OPCML: variants seen among roughly 807,000 people sequenced by gnomAD.
The protein encoded by OPCML is opioid binding protein/cell adhesion molecule like.
OPCML carries 13 observed loss-of-function variants against 37.8 expected under a neutral mutation model. That is an observed-to-expected ratio of 0.34 (90% CI 0.22 to 0.55). The LOEUF is 0.55. Among genes scored for constraint, OPCML ranks in the 20% least tolerant of loss-of-function variants. The pLI is 0.91. For synonymous variants in OPCML, 176 were observed against 168.8 expected, an observed-to-expected ratio of 1.04 and a Z score of -0.33; for missense variants, 341 against 435.6, an observed-to-expected ratio of 0.78 and a Z score of 1.93.
intron 1 of OPCML, among the ~76,000 whole-genome samples, chr11:133,251,728 A>T (rs1023415904): frequency 6.6e-6 from 1 of 152,162 alleles, no homozygotes; most frequent in Non-Finnish European, 1.5e-5. Flanking sequence ...ACCTAAATGC[A>T]CCAGGCATTC....
chr11:133,114,651 T>A (rs921416219), intron 1 of OPCML, among the ~76,000 whole-genome samples: 4 of 152,206 alleles, frequency 2.6e-5, no homozygotes, highest in Non-Finnish European at 5.9e-5. Flanking sequence ...ATCCAATGCC[T>A]CTTTTTACAA....
At chr11:132,949,783 C>T (rs1945819659) in intron 1 of OPCML, among the ~76,000 whole-genome samples, 1 of 152,148 alleles carries the variant, frequency 6.6e-6, no homozygotes, top group South Asian at 2.1e-4. Context: ...ATGAGATCAG[C>T]TTTATTACAT....
chr11:132,637,987 G>A (rs923708343), intron 3 of OPCML, among the ~76,000 whole-genome samples: 2 of 151,992 alleles, frequency 1.3e-5, no homozygotes, highest in East Asian at 3.9e-4. Flanking sequence ...CCACCTCATG[G>A]GCAATGAAGT....
intron 4 of OPCML, among the ~76,000 whole-genome samples, chr11:132,486,014 A>C (rs1169524003): frequency 6.6e-6 from 1 of 152,338 alleles, no homozygotes; most frequent in East Asian, 1.9e-4. Flanking sequence ...GTGATTATCA[A>C]CTTACAGGAG....
intron 2 of OPCML, among the ~76,000 whole-genome samples, chr11:132,848,803 C>T (rs1941669561): frequency 6.6e-6 from 1 of 152,196 alleles, no homozygotes; most frequent in Non-Finnish European, 1.5e-5. Flanking sequence ...TACTTCTCTG[C>T]CTTTCATTTC....
intron 1 of OPCML, among the ~76,000 whole-genome samples, chr11:133,452,581 GT>G (rs764299697): frequency 3.3e-5 from 5 of 151,510 alleles, no homozygotes; most frequent in Non-Finnish European, 4.4e-5. Flanking sequence ...GGGGGCCGAA[GT>G]AGGAGGATTG....
At chr11:132,590,752 G>A (rs755139195) in intron 3 of OPCML, among the ~76,000 whole-genome samples, 4 of 152,162 alleles carry the variant, frequency 2.6e-5, no homozygotes, top group East Asian at 3.9e-4. Context: ...GCAGTTAAGC[G>A]GTGACCAGGG....
chr11:132,717,236 T>C (rs1168778877), intron 2 of OPCML, among the ~76,000 whole-genome samples: 1 of 152,154 alleles, frequency 6.6e-6, no homozygotes, highest in African/African-American at 2.4e-5. Context: ...TATAAAGAAA[T>C]AATCTGAGGT....
chr11:132,635,131 G>T (rs1278589612), intron 3 of OPCML, among the ~76,000 whole-genome samples: 1 of 152,110 alleles, frequency 6.6e-6, no homozygotes, highest in African/African-American at 2.4e-5. Context: ...CAACTTTTGG[G>T]TATAGATTTA....
At chr11:132,789,721 T>C (rs1478718125) in intron 2 of OPCML, among the ~76,000 whole-genome samples, 1 of 152,144 alleles carries the variant, frequency 6.6e-6, no homozygotes, top group Non-Finnish European at 1.5e-5. Flanking sequence ...TGAAATAACA[T>C]ACATAAAAGA....
chr11:132,630,576 C>A (rs1007584938), intron 3 of OPCML, among the ~76,000 whole-genome samples: 4 of 151,840 alleles, frequency 2.6e-5, no homozygotes, highest in African/African-American at 9.7e-5. Context: ...GAGCAGAGAG[C>A]ATATACCACT....
intron 1 of OPCML, among the ~76,000 whole-genome samples, chr11:133,262,178 G>T (rs1434616486): frequency 6.6e-6 from 1 of 152,110 alleles, no homozygotes; most frequent in South Asian, 2.1e-4. Flanking sequence ...GAACCTATAT[G>T]CATTATCTCA....
At chr11:132,621,112 C>A (rs979741439) in intron 3 of OPCML, among the ~76,000 whole-genome samples, 1 of 152,232 alleles carries the variant, frequency 6.6e-6, no homozygotes, top group African/African-American at 2.4e-5. Flanking sequence ...TAAATTCTAA[C>A]CTCCTCTCAT....
intron 1 of OPCML, among the ~76,000 whole-genome samples, chr11:133,458,679 G>A (rs111219060): frequency 2.7e-5 from 3 of 110,166 alleles, no homozygotes; most frequent in East Asian, 2.8e-4. Flanking sequence ...ACACATAGAT[G>A]CACGTGTGTG....
At chr11:133,103,552 A>C (rs1481719537) in intron 1 of OPCML, among the ~76,000 whole-genome samples, 1 of 152,246 alleles carries the variant, frequency 6.6e-6, no homozygotes, top group African/African-American at 2.4e-5. Context: ...AAAAATTACA[A>C]GGTGAAAAGC....
chr11:133,230,033 A>G (rs1230131806), intron 1 of OPCML, among the ~76,000 whole-genome samples: 3 of 152,158 alleles, frequency 2.0e-5, no homozygotes, highest in African/African-American at 7.2e-5. Flanking sequence ...TTAGATTTTT[A>G]TCCAGAAGCA....
intron 3 of OPCML, among the ~76,000 whole-genome samples, chr11:132,621,722 C>T (rs955386842): frequency 6.6e-5 from 10 of 152,174 alleles, no homozygotes; most frequent in African/African-American, 2.4e-4. Flanking sequence ...ATAAGTTCTC[C>T]TTGCTGTACA....
At chr11:133,518,711 G>C (rs61437226) in intron 1 of OPCML, among the ~76,000 whole-genome samples, 10 of 132,840 alleles carry the variant, frequency 7.5e-5, no homozygotes, top group African/African-American at 3.0e-4. Flanking sequence ...AGTGGCAGGT[G>C]CTGGTGTGTG....
intron 1 of OPCML, among the ~76,000 whole-genome samples, chr11:133,381,644 G>T (rs1944930498): frequency 6.6e-6 from 1 of 152,154 alleles, no homozygotes; most frequent in South Asian, 2.1e-4. Context: ...GGGATTGGGG[G>T]TCTGATGTAG....
Sources: gnomAD v4.1 joint callset for allele counts (sites outside exome capture counted in the v4.1 genomes callset) on GRCh38, gnomAD v4.1.1 for gene constraint, MANE v1.5 for transcripts, NCBI Gene and HGNC (gene_info 2026-07-23, HGNC 2026-07-21) for gene names.